Variants in GALNT13 observed in about 807,000 individuals in gnomAD.
GALNT13 encodes the protein UDP-GalNAc:polypeptide N-acetylgalactosaminyltransferase 13.
Under a neutral mutation model 64.2 loss-of-function variants are expected in GALNT13, and 28 were observed. The observed-to-expected ratio is 0.44, with a 90% CI of 0.32 to 0.60. GALNT13 has a LOEUF of 0.60. Ranked by LOEUF, GALNT13 falls within the 20% of genes least tolerant of loss-of-function variation. GALNT13 has a pLI of 0.05. For synonymous variants in GALNT13, 214 were observed against 224.6 expected (o/e 0.95, Z 0.42); for missense variants, 577 against 669.8 (o/e 0.86, Z 1.53).
At chr2:153,632,053 G>C in the GALNT13 span, among the ~76,000 whole-genome samples, 11 of 152,010 alleles carry the variant, frequency 7.2e-5, no homozygotes, top group East Asian at 1.7e-3. Context: ...AGCATCCTTT[G>C]TCCCTCTTAA....
intron 9 of GALNT13, among the ~76,000 whole-genome samples, chr2:154,362,248 C>A (rs12613791): frequency 0.11 from 16,627 of 149,020 alleles, 956 homozygotes; most frequent in Non-Finnish European, 0.14. Flanking sequence ...CCCCCACCCC[C>A]ACCCCACCCC....
chr2:153,202,053 C>G, the GALNT13 span, among the ~76,000 whole-genome samples: 1,371 of 146,380 alleles, frequency 9.4e-3, 22 homozygotes, highest in African/African-American at 0.033. Flanking sequence ...GGCGCAATCT[C>G]GGCTCACTGC....
At chr2:154,449,014 T>G (rs550259184) in intron 12 of GALNT13, among the ~76,000 whole-genome samples, 1 of 151,948 alleles carries the variant, frequency 6.6e-6, no homozygotes, top group Admixed American at 6.6e-5. Flanking sequence ...AAAATACATA[T>G]TGTTTTTGTT....
chr2:153,642,599 A>G, the GALNT13 span, among the ~76,000 whole-genome samples: 1 of 151,920 alleles, frequency 6.6e-6, no homozygotes, highest in Admixed American at 6.6e-5. Flanking sequence ...TCACAAGACT[A>G]CAAATTGTGA....
At chr2:153,217,268 T>C in the GALNT13 span, among the ~76,000 whole-genome samples, 2 of 152,106 alleles carry the variant, frequency 1.3e-5, no homozygotes, top group South Asian at 4.1e-4. Flanking sequence ...CCAAGTGTTT[T>C]GACTACTTCT....
At chr2:153,117,965 G>T in the GALNT13 span, among the ~76,000 whole-genome samples, 8 of 152,028 alleles carry the variant, frequency 5.3e-5, no homozygotes, top group Admixed American at 6.6e-5. Context: ...TAATGCCTCT[G>T]CCTTGGTTTG....
At chr2:154,133,733 G>A (rs545175447) in intron 3 of GALNT13, among the ~76,000 whole-genome samples, 1 of 151,664 alleles carries the variant, frequency 6.6e-6, no homozygotes, top group African/African-American at 2.4e-5. Context: ...GTACTGGGAT[G>A]AGCCAAAATT....
chr2:153,353,791 A>G, the GALNT13 span, among the ~76,000 whole-genome samples: 1 of 152,176 alleles, frequency 6.6e-6, no homozygotes. Context: ...CATACCTGGA[A>G]TAATTGCTAC....
the GALNT13 span, among the ~76,000 whole-genome samples, chr2:153,135,715 T>C: frequency 6.6e-6 from 1 of 152,048 alleles, no homozygotes; most frequent in Non-Finnish European, 1.5e-5. Context: ...TGGATTTTAA[T>C]AGGTTCAAAT....
chr2:153,546,789 A>G, the GALNT13 span, among the ~76,000 whole-genome samples: 4 of 152,208 alleles, frequency 2.6e-5, no homozygotes, highest in African/African-American at 9.6e-5. Context: ...CTTTTGTTGT[A>G]TTAAAGAAGT....
chr2:153,991,503 T>C (rs1292918246), intron 3 of GALNT13, among the ~76,000 whole-genome samples: 1 of 152,110 alleles, frequency 6.6e-6, no homozygotes, highest in Non-Finnish European at 1.5e-5. Flanking sequence ...CAGGAGGATA[T>C]ACAACATGTC....
At chr2:153,677,993 C>T in the GALNT13 span, among the ~76,000 whole-genome samples, 1 of 151,662 alleles carries the variant, frequency 6.6e-6, no homozygotes, top group African/African-American at 2.4e-5. Flanking sequence ...TGACAGGCTC[C>T]AAAAGGACTT....
At chr2:153,289,692 A>G in the GALNT13 span, among the ~76,000 whole-genome samples, 5 of 152,336 alleles carry the variant, frequency 3.3e-5, no homozygotes, top group African/African-American at 9.6e-5. Flanking sequence ...AATACAGACT[A>G]TAGTATCTCA....
chr2:153,211,077 ATT>A, the GALNT13 span, among the ~76,000 whole-genome samples: 2 of 152,150 alleles, frequency 1.3e-5, no homozygotes, highest in Non-Finnish European at 2.9e-5. Context: ...TTTTAATAAA[ATT>A]TTAGAGATAA....
the GALNT13 span, among the ~76,000 whole-genome samples, chr2:153,603,685 T>C: frequency 6.6e-6 from 1 of 151,998 alleles, no homozygotes; most frequent in African/African-American, 2.4e-5. Flanking sequence ...TTTTGTTATA[T>C]TTTATTGAGG....
At chr2:153,860,926 A>T in the GALNT13 span, among the ~76,000 whole-genome samples, 1 of 152,200 alleles carries the variant, frequency 6.6e-6, no homozygotes, top group African/African-American at 2.4e-5. Flanking sequence ...CATAGTACCA[A>T]TGTTTATTCT....
intron 9 of GALNT13, among the ~76,000 whole-genome samples, chr2:154,335,923 G>C (rs1398294635): frequency 6.6e-6 from 1 of 151,810 alleles, no homozygotes; most frequent in African/African-American, 2.4e-5. Context: ...TTTCCACTAA[G>C]TCTAAATTTA....
At chr2:154,306,142 TTTATTATTA>T (rs70983715) in intron 9 of GALNT13, among the ~76,000 whole-genome samples, 1 of 151,222 alleles carries the variant, frequency 6.6e-6, no homozygotes, top group African/African-American at 2.4e-5. Flanking sequence ...ATAAATCTCT[TTTATTATTA>T]TTATTATTAT....
chr2:153,304,666 A>T, the GALNT13 span, among the ~76,000 whole-genome samples: 2 of 152,264 alleles, frequency 1.3e-5, no homozygotes, highest in East Asian at 3.9e-4. Context: ...GGAGGTGTTA[A>T]ATACTACAGC....
Sources: gnomAD v4.1 joint callset for allele counts (sites outside exome capture counted in the v4.1 genomes callset) on GRCh38, gnomAD v4.1.1 for gene constraint, MANE v1.5 for transcripts, NCBI Gene and HGNC (gene_info 2026-07-23, HGNC 2026-07-21) for gene names.